The following ATP13A5 variants were observed in gnomAD, a reference collection of about 807,000 sequenced individuals.
ATP13A5 encodes the protein probable cation-transporting ATPase 13A5.
Under a neutral mutation model 150.2 loss-of-function variants are expected in ATP13A5, and 149 were observed. That is an observed-to-expected ratio of 0.99 (90% CI 0.87 to 1.14). ATP13A5 has a LOEUF of 1.14. ATP13A5 is among the 50% of genes most tolerant of loss of function. ATP13A5 has a pLI of 0.00. For missense variants in ATP13A5, 1,383 were observed against 1,449.3 expected (o/e 0.95, Z 0.74); for synonymous variants, 497 against 522.2 (o/e 0.95, Z 0.66).
At chr3:193,357,245 T>C (rs986066727) in intron 5 of ATP13A5, among the ~76,000 whole-genome samples, 1 of 152,072 alleles carries the variant, frequency 6.6e-6, no homozygotes, top group African/African-American at 2.4e-5. Context: ...TGGAAAGCAG[T>C]TTAGAAAGCA....
chr3:193,374,583 T>G (rs1232214261), intron 1 of ATP13A5, among the ~76,000 whole-genome samples: 1 of 149,506 alleles, frequency 6.7e-6, no homozygotes, highest in Non-Finnish European at 1.5e-5. Context: ...AGATTGAGGC[T>G]GCAGTGAGCT....
At chr3:193,321,958 CACA>C in intron 15 of ATP13A5, 121 bp from the exon 16 acceptor site, 2 of 1,157,636 alleles carry the variant, frequency 1.7e-6, no homozygotes, top group East Asian at 5.1e-5. Context: ...GTATATTTGT[CACA>C]ACATTGATTT....
chr3:193,332,141 C>T (rs1711652715), intron 11 of ATP13A5, among the ~76,000 whole-genome samples: 1 of 152,110 alleles, frequency 6.6e-6, no homozygotes, highest in Non-Finnish European at 1.5e-5. Context: ...GGGGCAGTTT[C>T]CCCCATAATG....
At chr3:193,342,860 T>A (rs1438442428) in intron 9 of ATP13A5, among the ~76,000 whole-genome samples, 1 of 152,168 alleles carries the variant, frequency 6.6e-6, no homozygotes, top group Non-Finnish European at 1.5e-5. Context: ...AGAAGGACAG[T>A]TTTCCTTGGG....
At position 193,276,789 on chromosome 3, in the gene ATP13A5, CA is replaced by C; in HGVS notation, c.3356del (p.Val1119GlyfsTer2). 1 of 1,613,520 alleles carries C rather than the reference CA, an allele frequency of 6.2e-7. No individual in the cohort carries two copies. Among genetic ancestry groups the C allele is most frequent in the Non-Finnish European group, 8.5e-7 (1 of 1,179,678 alleles). On this transcript the variant is annotated frameshift_variant, in exon 29 of 30. Coordinates refer to ENST00000342358, the MANE Select transcript of ATP13A5 (RefSeq NM_198505.4). LOFTEE classifies it high-confidence loss of function. ...CCACACAGAATTGGGTGAGGGCTACCACCAAAATTAAAACCCTCCACGATGT... is the reference window on the plus strand; with the variant it reads ...CCACACAGAATTGGGTGAGGGCTACCCCAAAATTAAAACCCTCCACGATGT... ...TITSWRVLILVVALTQFCVAF... is the reference protein window; with the variant it reads ...TITSWRVLILXVALTQFCVAF...
intron 12 of ATP13A5, among the ~76,000 whole-genome samples, chr3:193,327,895 C>T (rs1260162782): frequency 2.0e-5 from 3 of 152,192 alleles, no homozygotes; most frequent in Non-Finnish European, 4.4e-5. Flanking sequence ...AGAGCTTTAC[C>T]AAGCATGGCA....
intron 7 of ATP13A5, among the ~76,000 whole-genome samples, chr3:193,349,731 C>T (rs1464338571): frequency 2.0e-5 from 3 of 151,830 alleles, no homozygotes; most frequent in Admixed American, 6.6e-5. Flanking sequence ...TTTTAAAAAT[C>T]GTAAATATCA....
intron 27 of ATP13A5, among the ~76,000 whole-genome samples, chr3:193,281,772 T>C (rs1717506629): frequency 6.6e-6 from 1 of 152,170 alleles, no homozygotes; most frequent in Non-Finnish European, 1.5e-5. Flanking sequence ...ATGTAAAACA[T>C]TTTACATTTA....
chr3:193,300,529 G>A (rs908156240), intron 24 of ATP13A5, among the ~76,000 whole-genome samples: 1 of 152,196 alleles, frequency 6.6e-6, no homozygotes, highest in Admixed American at 6.5e-5. Context: ...AACCTCCCAG[G>A]AAAGCAATAG....
At position 193,307,365 on chromosome 3, in the gene ATP13A5, A is replaced by G. The variant is rs1285047855; in HGVS notation, c.2530T>C (p.Tyr844His). The G allele has an allele frequency of 1.2e-6, 2 of 1,613,888 alleles. No individual in the cohort carries two copies. The highest frequency in any genetic ancestry group is 1.7e-6 in the Non-Finnish European group (2 of 1,179,868). Reference protein sequence around the residue: ...LIEEFQKLNYYVGMCGDGAND... With the variant: ...LIEEFQKLNYHVGMCGDGAND... ...GCTCCATCTCCACACATGCCCACAT[A>G]ATAACTGCGGGAGACAGGAGAAGAA... Residue 844 changes from tyrosine to histidine, a missense_variant, in exon 22 of 30, where the codon TAT (tyrosine) becomes CAT (histidine). Tyr to His is a moderately conservative substitution (Grantham distance 83). Transcript: ENST00000342358.
intron 1 of ATP13A5, among the ~76,000 whole-genome samples, chr3:193,374,080 T>TG (rs1286532632): frequency 6.6e-6 from 1 of 152,080 alleles, no homozygotes; most frequent in Non-Finnish European, 1.5e-5. Context: ...ATGCAGCCTG[T>TG]GGTCACGGGA....
intron 1 of ATP13A5, among the ~76,000 whole-genome samples, chr3:193,377,789 C>T (rs1481727297): frequency 6.6e-6 from 1 of 152,172 alleles, no homozygotes; most frequent in African/African-American, 2.4e-5. Context: ...TCTGACCCTT[C>T]CCCTGTCTGT....
intron 9 of ATP13A5, among the ~76,000 whole-genome samples, chr3:193,335,874 AT>A (rs201728560): frequency 0.035 from 5,355 of 152,150 alleles, 128 homozygotes; most frequent in Non-Finnish European, 0.052. Flanking sequence ...GCAGGTAGCA[AT>A]TTTTTTCCTT....
At chr3:193,298,872 C>A (rs75553502) in intron 25 of ATP13A5, among the ~76,000 whole-genome samples, 9 of 152,202 alleles carry the variant, frequency 5.9e-5, no homozygotes, top group African/African-American at 2.2e-4. Context: ...TTTCTATGTA[C>A]AAGACATAAA....
At chr3:193,302,860 C>G (rs1415492061) in intron 23 of ATP13A5, among the ~76,000 whole-genome samples, 1 of 152,144 alleles carries the variant, frequency 6.6e-6, no homozygotes, top group Non-Finnish European at 1.5e-5. Context: ...CCTAACAGAG[C>G]TGAACCATAT....
chr3:193,372,295 A>T (rs2108585764), intron 1 of ATP13A5: 1 of 37,470 alleles, frequency 2.7e-5, no homozygotes, highest in Admixed American at 3.6e-4. Flanking sequence ...CCTCAAAAAA[A>T]AAAAAAAAAA....
At chr3:193,291,823 C>T (rs1717964874) in intron 25 of ATP13A5, among the ~76,000 whole-genome samples, 2 of 152,022 alleles carry the variant, frequency 1.3e-5, no homozygotes. Context: ...GGAAGTGTCT[C>T]TCTTGTTTGA....
chr3:193,364,355 A>C, intron 1 of ATP13A5, 75 bp from the exon 2 acceptor site: 1 of 1,522,606 alleles, frequency 6.6e-7, no homozygotes, highest in South Asian at 1.3e-5. Flanking sequence ...TCAATAAACC[A>C]AACTTGAGAT....
chr3:193,314,170 T>C lies in ATP13A5; in HGVS notation c.2182A>G (p.Thr728Ala), dbSNP rs1268391915. The C allele has an allele frequency of 1.9e-6, 3 of 1,613,832 alleles. No individual in the cohort carries two copies. The highest frequency in any genetic ancestry group is 2.2e-5 in the East Asian group (1 of 44,868). The change falls in exon 19 of 30, where the codon ACT becomes GCT. Residue 728 changes from threonine (T) to alanine (A), a missense_variant. Physicochemically the swap from Thr to Ala is moderately conservative, Grantham distance 58. Coordinates refer to ENST00000342358, the MANE Select transcript of ATP13A5 (RefSeq NM_198505.4). ...ATCATTTCAGAATTCTTTGCAACAG[T>C]AATGGCCGTTTGAAGGTTATCACCT... ...ITGDNLQTAI[T>A]VAKNSEMIPP...
Sources: allele counts gnomAD v4.1 joint callset (sites outside exome capture counted in the v4.1 genomes callset), GRCh38; gene constraint gnomAD v4.1.1; transcripts MANE v1.5; gene names NCBI Gene and HGNC (gene_info 2026-07-23, HGNC 2026-07-21).